Variants in ELAVL2 observed in about 807,000 individuals in gnomAD.
ELAVL2 encodes the protein ELAV like RNA binding protein 2, also known as ELAV-like protein 2.
A neutral mutation model predicts 34.6 loss-of-function variants in ELAVL2; 4 were observed. The ratio of observed to expected loss-of-function variants is 0.12; its 90% CI spans 0.06 to 0.26. ELAVL2 has a LOEUF of 0.26. ELAVL2 is among the 10% of genes least tolerant of loss of function. The pLI, the probability that ELAVL2 is intolerant of heterozygous loss-of-function variation, is 1.00. For missense variants in ELAVL2, 432 were observed against 442.8 expected (o/e 0.98, Z 0.22); for synonymous variants, 193 against 154.8 (o/e 1.25, Z -1.83).
At chr9:23,769,760 G>A (rs893047880) in intron 1 of ELAVL2, among the ~76,000 whole-genome samples, 1 of 152,168 alleles carries the variant, frequency 6.6e-6, no homozygotes, top group African/African-American at 2.4e-5. Flanking sequence ...CGCGTCATAA[G>A]GAGAATGTTC....
intron 1 of ELAVL2, among the ~76,000 whole-genome samples, chr9:23,803,303 G>T (rs2061794968): frequency 6.6e-6 from 1 of 152,168 alleles, no homozygotes; most frequent in Non-Finnish European, 1.5e-5. Context: ...CTGGTTCTCA[G>T]AAAAGATGCT....
chr9:23,784,229 A>G (rs1298448750), intron 1 of ELAVL2, among the ~76,000 whole-genome samples: 1 of 152,172 alleles, frequency 6.6e-6, no homozygotes, highest in Non-Finnish European at 1.5e-5. Context: ...CTGGGCACAG[A>G]GACTATAGCA....
chr9:23,753,299 T>G (rs1031285672), intron 2 of ELAVL2, among the ~76,000 whole-genome samples: 1 of 152,086 alleles, frequency 6.6e-6, no homozygotes, highest in African/African-American at 2.4e-5. Context: ...TCAAAAGAAG[T>G]TGGCAAATTT....
intron 1 of ELAVL2, among the ~76,000 whole-genome samples, chr9:23,822,900 T>C (rs1225889649): frequency 6.6e-6 from 1 of 152,026 alleles, no homozygotes; most frequent in African/African-American, 2.4e-5. Flanking sequence ...CGTCCAGCGC[T>C]CCCCGCCCCC....
At chr9:23,732,668 C>T (rs1023420137) in intron 2 of ELAVL2, among the ~76,000 whole-genome samples, 2 of 152,236 alleles carry the variant, frequency 1.3e-5, no homozygotes, top group Non-Finnish European at 2.9e-5. Context: ...CTGAATGTAA[C>T]AAAATCTGCT....
At chr9:23,809,154 T>C (rs923485056) in intron 1 of ELAVL2, among the ~76,000 whole-genome samples, 7 of 152,174 alleles carry the variant, frequency 4.6e-5, no homozygotes, top group Non-Finnish European at 1.0e-4. Flanking sequence ...GGATCCCACC[T>C]GACTGCTTTG....
chr9:23,738,480 A>T (rs767939015), intron 2 of ELAVL2, among the ~76,000 whole-genome samples: 20 of 152,190 alleles, frequency 1.3e-4, no homozygotes, highest in Non-Finnish European at 2.6e-4. Context: ...CTACAGTCCA[A>T]GCCAGCCTTC....
At chr9:23,785,370 T>C (rs78290649) in intron 1 of ELAVL2, among the ~76,000 whole-genome samples, 6,495 of 152,298 alleles carry the variant, frequency 0.043, 199 homozygotes, top group Non-Finnish European at 0.065. Flanking sequence ...AGCCCACACA[T>C]AGACCAAAGC....
chr9:23,823,427 A>G (rs2065074376), intron 1 of ELAVL2, among the ~76,000 whole-genome samples: 1 of 152,090 alleles, frequency 6.6e-6, no homozygotes, highest in Non-Finnish European at 1.5e-5. Context: ...CTTCCAAACC[A>G]CTTCTTCCTA....
intron 3 of ELAVL2, among the ~76,000 whole-genome samples, chr9:23,714,044 G>T (rs999802089): frequency 6.6e-6 from 1 of 152,088 alleles, no homozygotes; most frequent in Admixed American, 6.6e-5. Flanking sequence ...AAGAGCAGAG[G>T]AACCATAAAT....
At chr9:23,703,300 A>G (rs745746821) in intron 4 of ELAVL2, among the ~76,000 whole-genome samples, 2 of 152,228 alleles carry the variant, frequency 1.3e-5, no homozygotes, top group African/African-American at 2.4e-5. Flanking sequence ...CAAATGAAAT[A>G]AAAAATATTT....
intron 2 of ELAVL2, among the ~76,000 whole-genome samples, chr9:23,739,941 C>T (rs1306959255): frequency 6.6e-6 from 1 of 152,070 alleles, no homozygotes; most frequent in African/African-American, 2.4e-5. Context: ...ATGTCAGAGT[C>T]CCTGCAAACC....
chr9:23,715,413 G>C (rs939337522), intron 3 of ELAVL2, among the ~76,000 whole-genome samples: 2 of 152,196 alleles, frequency 1.3e-5, no homozygotes, highest in Non-Finnish European at 2.9e-5. Context: ...CTCCCAAAGC[G>C]CTGGGATTAC....
chr9:23,772,836 T>C (rs2057542026), intron 1 of ELAVL2, among the ~76,000 whole-genome samples: 1 of 152,200 alleles, frequency 6.6e-6, no homozygotes, highest in South Asian at 2.1e-4. Context: ...ACTTGTGATT[T>C]AGAGACACAA....
chr9:23,764,322 CAACA>C (rs1564353083), intron 1 of ELAVL2, among the ~76,000 whole-genome samples: 2 of 152,112 alleles, frequency 1.3e-5, no homozygotes, highest in African/African-American at 2.4e-5. Flanking sequence ...TTAGAAAGGA[CAACA>C]AACACTCCTC....
At chr9:23,724,494 A>G (rs911986554) in intron 3 of ELAVL2, among the ~76,000 whole-genome samples, 1 of 152,180 alleles carries the variant, frequency 6.6e-6, no homozygotes, top group African/African-American at 2.4e-5. Context: ...TCCCTAGACC[A>G]CATTAGATGA....
chr9:23,836,824 T>A, the ELAVL2 span, among the ~76,000 whole-genome samples: 1 of 152,194 alleles, frequency 6.6e-6, no homozygotes, highest in East Asian at 1.9e-4. Context: ...GGTACCACAT[T>A]ATGCTGGCTT....
chr9:23,742,867 C>A (rs34006446), intron 2 of ELAVL2, among the ~76,000 whole-genome samples: 30 of 152,038 alleles, frequency 2.0e-4, no homozygotes, highest in Non-Finnish European at 3.5e-4. Context: ...TTTCTTTCCT[C>A]TAAACTTAAA....
chr9:23,711,229 C>A (rs910572173), intron 3 of ELAVL2, among the ~76,000 whole-genome samples: 1 of 152,102 alleles, frequency 6.6e-6, no homozygotes, highest in Non-Finnish European at 1.5e-5. Flanking sequence ...TTATCTTTAA[C>A]GGATATTCCA....
Sources: allele counts gnomAD v4.1 joint callset (sites outside exome capture counted in the v4.1 genomes callset), GRCh38; gene constraint gnomAD v4.1.1; transcripts MANE v1.5; gene names NCBI Gene and HGNC (gene_info 2026-07-23, HGNC 2026-07-21).